RNPEP: variants seen among roughly 807,000 people sequenced by gnomAD.
RNPEP encodes the protein arginyl aminopeptidase.
RNPEP carries 57 observed loss-of-function variants against 70.1 expected under a neutral mutation model. The ratio of observed to expected loss-of-function variants is 0.81; its 90% CI spans 0.66 to 1.01. RNPEP has a LOEUF of 1.01. Among genes scored for constraint, RNPEP ranks in the 50% least tolerant of loss-of-function variants. The probability of loss-of-function intolerance (pLI) is 0.00; values close to 1 mark genes in which losing one functional copy is unlikely to be tolerated. For missense variants in RNPEP, 787 were observed against 852.4 expected, an observed-to-expected ratio of 0.92 and a Z score of 0.96; for synonymous variants, 335 against 357.4, an observed-to-expected ratio of 0.94 and a Z score of 0.71.
Position 202,003,271 on chromosome 1 carries a change from C to G in RNPEP, c.1461C>G (p.Gly487=). 1 of 1,613,774 alleles carries G rather than the reference C, an allele frequency of 6.2e-7. No individual in the cohort carries two copies. Among genetic ancestry groups the G allele is most frequent in the Non-Finnish European group, 8.5e-7 (1 of 1,179,818 alleles). ...TTGATCGATGGCTGAATACCCCCGG[C>G]TGGCCCCCGTACCTCCCTGATCTCT... is the stretch of plus-strand genomic sequence containing the variant. ...FEFDRWLNTP[G]WPPYLPDLSP... is the part of the protein sequence containing the mutation. The change falls in exon 9 of 11, where the codon GGC becomes GGG. Residue 487 remains glycine, a synonymous_variant. Coordinates refer to ENST00000295640, the MANE Select transcript of RNPEP (RefSeq NM_020216.4).
rs535371473 is a variant in RNPEP at position 201,983,734 on chromosome 1, G to T, written c.447+621G>T. On this transcript the variant is annotated intron_variant, in intron 1 of 10. Coordinates refer to ENST00000295640, the MANE Select transcript of RNPEP (RefSeq NM_020216.4). ...GGTGCTATAAGCATTATAATAATTT[G>T]GCCTTCTCACTGTTGGTTAACTCTT... The T allele has an allele frequency of 2.1e-5, 24 of 1,125,166 alleles. No homozygotes were observed. In the East Asian group the frequency reaches 1.7e-3, roughly 81 times the overall value. 69.7% of individuals were successfully genotyped at this position (1,125,166 alleles called of 1,614,324 possible).
At chr1:201,984,307 GA>G (rs201985929) in intron 1 of RNPEP, among the ~76,000 whole-genome samples, 1,997 of 152,316 alleles carry the variant, frequency 0.013, 52 homozygotes, top group African/African-American at 0.046. Context: ...GGTTGGGTCT[GA>G]AAAGGTGGGA....
intron 6 of RNPEP, among the ~76,000 whole-genome samples, chr1:202,000,750 T>C (rs1284000985): frequency 6.6e-6 from 1 of 152,014 alleles, no homozygotes; most frequent in East Asian, 1.9e-4. Flanking sequence ...AAAAATTAGC[T>C]GGGTGTGGTG....
At chr1:201,994,668 CTT>C (rs774484493) in intron 3 of RNPEP, among the ~76,000 whole-genome samples, 21 of 137,800 alleles carry the variant, frequency 1.5e-4, no homozygotes, top group Admixed American at 2.2e-4. Flanking sequence ...CCATCAGTCT[CTT>C]TTTTTTTTTT....
At chr1:201,993,997 C>T (rs985420503) in intron 3 of RNPEP, among the ~76,000 whole-genome samples, 64 of 151,210 alleles carry the variant, frequency 4.2e-4, no homozygotes, top group African/African-American at 1.5e-3. Flanking sequence ...AGAGGCCATT[C>T]GCCTCAATAC....
Position 201,982,810 on chromosome 1 carries a change from G to C in RNPEP, c.144G>C (p.Gly48=). 10 of 1,334,122 alleles carry C rather than the reference G, an allele frequency of 7.5e-6. No homozygotes were observed. Among genetic ancestry groups the C allele is most frequent in the Non-Finnish European group, 9.6e-6 (10 of 1,042,132 alleles). 82.6% of individuals were successfully genotyped at this position (1,334,122 alleles called of 1,614,324 possible). A position where few individuals can be genotyped will look rare whatever the true frequency, so the allele number is the denominator to read the frequency against. Residue 48 remains glycine, a synonymous_variant, in exon 1 of 11, where the codon GGG becomes GGC. Coordinates refer to ENST00000295640, the MANE Select transcript of RNPEP (RefSeq NM_020216.4). ...ACCTGGACCTGCGGGCTGAGTTCGG[G>C]CCTCCAGGGCCCGGCGCAGGGAGCC... is the stretch of plus-strand genomic sequence containing the variant. ...HLHLDLRAEF[G]PPGPGAGSRG... is the part of the protein sequence containing the mutation.
chr1:201,997,631 GT>G, intron 5 of RNPEP, 77 bp downstream of exon 5: 2 of 1,134,312 alleles, frequency 1.8e-6, no homozygotes, highest in Non-Finnish European at 2.6e-6. Flanking sequence ...TCCTTATGGG[GT>G]TTCAGAATAC....
Position 202,005,614 on chromosome 1 carries a change from GGCCCAGACCCTC to G in RNPEP, c.1855_1866del (p.Gln619_Ala622del). On this transcript the variant is annotated inframe_deletion, in exon 11 of 11. Transcript: ENST00000295640. ...ACGCAATGATGGGTGGCAGTGAGGT[GGCCCAGACCCTC>G]GCCAAGGAGACTTTTGCATCCACCG... The G allele has an allele frequency of 6.2e-7, 1 of 1,614,170 alleles. No individual in the cohort carries two copies. The highest frequency in any genetic ancestry group is 2.2e-5 in the East Asian group (1 of 44,884).
In RNPEP at chr1:202,005,681, T is replaced by C. The variant is rs1196315044; in HGVS notation, c.1918T>C (p.Tyr640His). Residue 640 changes from tyrosine to histidine, a missense_variant, in exon 11 of 11, where the codon TAT (tyrosine) becomes CAT (histidine). By Grantham distance (83) the Tyr-to-His change is moderately conservative (BLOSUM62 2). Transcript: ENST00000295640. ...CCAGCTCCACAGCAATGTTGTCAAC[T>C]ATGTCCAGCAGATCGTGGCACCCAA... The part of the protein sequence containing the change: ...ASQLHSNVVN[Y>H]VQQIVAPKGS 8 of 1,614,114 alleles carry C rather than the reference T, an allele frequency of 5.0e-6. No individual in the cohort carries two copies. Among genetic ancestry groups the C allele is most frequent in the Non-Finnish European group, 5.9e-6 (7 of 1,180,054 alleles).
intron 3 of RNPEP, among the ~76,000 whole-genome samples, chr1:201,991,101 G>A (rs1338621391): frequency 1.3e-5 from 2 of 151,996 alleles, no homozygotes; most frequent in African/African-American, 4.8e-5. Context: ...ACATCGTAGG[G>A]TCTTGTGGGG....
In RNPEP at chr1:202,005,761, T is replaced by C. The variant is rs1330593227; in HGVS notation, c.*45T>C. The C allele has an allele frequency of 1.2e-6, 2 of 1,603,288 alleles. No individual in the cohort carries two copies. Among genetic ancestry groups the C allele is most frequent in the Admixed American group, 1.7e-5 (1 of 59,694 alleles). Reference sequence around the variant, plus strand: ...CTGCCTCTTCAGGCTCTCCAGGCTTTCAGAATAATTGTTTGTTCCCAAATT... The same window carrying C: ...CTGCCTCTTCAGGCTCTCCAGGCTTCCAGAATAATTGTTTGTTCCCAAATT... On this transcript the variant is annotated 3_prime_UTR_variant, in exon 11 of 11. Transcript: ENST00000295640.
At position 202,003,450 on chromosome 1, in the gene RNPEP, C is replaced by G; in HGVS notation, c.1640C>G (p.Pro547Arg). Residue 547 changes from proline to arginine, a missense_variant, in exon 9 of 11, where the codon CCT becomes CGT. Coordinates refer to ENST00000295640, the MANE Select transcript of RNPEP (RefSeq NM_020216.4). Reference sequence around the variant, plus strand: ...CTGGATAAGATCCTCCAGAAATCCCCTCTCCCTCCTGGTAAGAAAAAATGG... The same window carrying G: ...CTGGATAAGATCCTCCAGAAATCCCGTCTCCCTCCTGGTAAGAAAAAATGG... ...YFLDKILQKS[P>R]LPPGNVKKLG... 1 of 1,612,042 alleles carries G rather than the reference C, an allele frequency of 6.2e-7. No individual in the cohort carries two copies. The highest frequency in any genetic ancestry group is 8.5e-7 in the Non-Finnish European group (1 of 1,178,424).
chr1:201,982,949 C>T lies in RNPEP; in HGVS notation c.283C>T (p.Arg95Trp). ...GGAGGTGACGGCGGCGGCGCTGCGG[C>T]GGGAGCGGCCCGGCTCGGAGGAGCC... ...CLEVTAAALR[R>W]ERPGSEEPPA... Residue 95 changes from arginine (R) to tryptophan (W), a missense_variant, in exon 1 of 11, where the codon CGG becomes TGG. Coordinates refer to ENST00000295640, the MANE Select transcript of RNPEP (RefSeq NM_020216.4). 1 of 1,488,968 alleles carries T rather than the reference C, an allele frequency of 6.7e-7. No homozygotes were observed. The highest frequency in any genetic ancestry group is 8.9e-7 in the Non-Finnish European group (1 of 1,122,568). The allele number at this position is 1,488,968 out of a possible 1,614,324, so 92.2% of individuals were successfully genotyped here.
In RNPEP at chr1:201,996,187, AAGG is replaced by A. The variant is rs765672429; in HGVS notation, c.784_786del (p.Glu262del). On this transcript the variant is annotated inframe_deletion, in exon 4 of 11. Coordinates refer to ENST00000295640, the MANE Select transcript of RNPEP (RefSeq NM_020216.4). Reference sequence around the variant, plus strand: ...TGAGCCCTGCCTGATTGATGCTGCCAAGGAGGAGTACAACGGGGTGATAGAAGA... The same window carrying A: ...TGAGCCCTGCCTGATTGATGCTGCCAAGGAGTACAACGGGGTGATAGAAGA... The A allele has an allele frequency of 1.2e-6, 2 of 1,614,042 alleles. No individual in the cohort carries two copies. Among genetic ancestry groups the A allele is most frequent in the Non-Finnish European group, 1.7e-6 (2 of 1,180,034 alleles).
chr1:201,989,910 T>C (rs1683264434), intron 3 of RNPEP, among the ~76,000 whole-genome samples: 1 of 151,720 alleles, frequency 6.6e-6, no homozygotes, highest in South Asian at 2.1e-4. Flanking sequence ...AATGGTGCGA[T>C]CTTGGCTCAC....
chr1:201,994,816 A>G (rs557331025), intron 3 of RNPEP, among the ~76,000 whole-genome samples: 1 of 140,720 alleles, frequency 7.1e-6, no homozygotes, highest in African/African-American at 2.7e-5. Context: ...ACAGGCATAC[A>G]CTACCATGTC....
At chr1:201,996,079 C>A in intron 3 of RNPEP, 68 bp from the exon 4 acceptor site, 1 of 1,291,268 alleles carries the variant, frequency 7.7e-7, no homozygotes, top group Non-Finnish European at 1.1e-6. Flanking sequence ...CCTACAGGTG[C>A]TTTCAGGATC....
At position 201,983,017 on chromosome 1, in the gene RNPEP, C is replaced by G. The variant is rs994528812; in HGVS notation, c.351C>G (p.His117Gln). 7.2e-6 allele frequency: 11 copies of G among 1,525,214 alleles called. No individual in the cohort carries two copies. The highest frequency in any genetic ancestry group is 7.2e-5 in the African/African-American group (5 of 69,706). The allele number at this position is 1,525,214 out of a possible 1,614,324, so 94.5% of individuals were successfully genotyped here. The change falls in exon 1 of 11, where the codon CAC becomes CAG. Residue 117 changes from histidine (H) to glutamine (Q), a missense_variant. Physicochemically the swap from His to Gln is conservative, Grantham distance 24. Coordinates refer to ENST00000295640, the MANE Select transcript of RNPEP (RefSeq NM_020216.4). ...GCTTCTACACGCAGCCCTTCTCGCA[C>G]TATGGCCAGGCCCTGTGCGTGTCCT... The part of the protein sequence containing the change: ...PVSFYTQPFS[H>Q]YGQALCVSFP...
intron 9 of RNPEP, 34 bp from the exon 10 acceptor site, chr1:202,004,320 G>T: frequency 1.2e-6 from 2 of 1,612,496 alleles, no homozygotes; most frequent in Admixed American, 3.3e-5. Context: ...GACCCACCGT[G>T]ACCAGCCACA....
Sources: gnomAD v4.1 joint callset for allele counts (sites outside exome capture counted in the v4.1 genomes callset) on GRCh38, gnomAD v4.1.1 for gene constraint, MANE v1.5 for transcripts, NCBI Gene and HGNC (gene_info 2026-07-23, HGNC 2026-07-21) for gene names.